Variants in RASA3 observed in about 807,000 individuals in gnomAD.
RASA3 encodes the protein ras GTPase-activating protein 3.
Under a neutral mutation model 110.0 loss-of-function variants are expected in RASA3, and 73 were observed. That is an observed-to-expected ratio of 0.66 (90% CI 0.55 to 0.81). RASA3 has a LOEUF of 0.81. Among genes scored for constraint, RASA3 ranks in the 30% least tolerant of loss-of-function variants. RASA3 has a pLI of 0.00. For missense variants in RASA3, 976 were observed against 1,113.2 expected (o/e 0.88, Z 1.75); for synonymous variants, 500 against 451.4 (o/e 1.11, Z -1.37).
intron 1 of RASA3, among the ~76,000 whole-genome samples, chr13:114,079,945 C>A (rs915760936): frequency 6.6e-6 from 1 of 152,194 alleles, no homozygotes; most frequent in African/African-American, 2.4e-5. Context: ...GGGGACACAG[C>A]GTCTTGAGGA....
intron 1 of RASA3, among the ~76,000 whole-genome samples, chr13:114,116,796 TGA>T (rs1485308637): frequency 7.3e-6 from 1 of 137,156 alleles, no homozygotes; most frequent in Admixed American, 7.2e-5. Flanking sequence ...TGCACGTGTG[TGA>T]GGGGTGCATG....
intron 3 of RASA3, among the ~76,000 whole-genome samples, chr13:114,045,120 C>A (rs2079032019): frequency 6.6e-6 from 1 of 152,230 alleles, no homozygotes; most frequent in African/African-American, 2.4e-5. Context: ...CCACATTCAA[C>A]AATGGGGACC....
intron 4 of RASA3, chr13:114,036,153 C>G (rs1232222437): frequency 6.6e-6 from 1 of 152,282 alleles, no homozygotes; most frequent in Non-Finnish European, 1.5e-5. Flanking sequence ...AGGCGGTGCC[C>G]TCGCTGGCAT....
chr13:114,131,362 C>G (rs974269800), intron 1 of RASA3, among the ~76,000 whole-genome samples: 3 of 152,158 alleles, frequency 2.0e-5, no homozygotes, highest in Admixed American at 1.3e-4. Flanking sequence ...CAGCCTGAAC[C>G]GCGCTGTGGT....
chr13:114,062,266 C>A (rs1374812886), intron 2 of RASA3, among the ~76,000 whole-genome samples: 1 of 151,764 alleles, frequency 6.6e-6, no homozygotes, highest in African/African-American at 2.4e-5. Context: ...TGCTTCCTTT[C>A]ATTTCAATTA....
chr13:114,043,611 C>T (rs1183028308), intron 3 of RASA3, among the ~76,000 whole-genome samples: 1 of 152,052 alleles, frequency 6.6e-6, no homozygotes, highest in Non-Finnish European at 1.5e-5. Context: ...TGGAGCTGCA[C>T]GGGACGCTGA....
chr13:114,123,042 T>C (rs568244029), intron 1 of RASA3, among the ~76,000 whole-genome samples: 175 of 152,358 alleles, frequency 1.1e-3, no homozygotes, highest in African/African-American at 4.1e-3. Context: ...CCCTACACCC[T>C]GGACACACCT....
intron 19 of RASA3, among the ~76,000 whole-genome samples, chr13:114,000,563 C>T (rs937098935): frequency 6.6e-6 from 1 of 152,210 alleles, no homozygotes; most frequent in Non-Finnish European, 1.5e-5. Flanking sequence ...CAGAAAAGCA[C>T]CTTACTGATG....
chr13:114,125,581 C>T (rs1439777861), intron 1 of RASA3, among the ~76,000 whole-genome samples: 3 of 152,172 alleles, frequency 2.0e-5, no homozygotes, highest in South Asian at 4.1e-4. Flanking sequence ...CCACTTCCAA[C>T]GACGGGGTGA....
Position 114,056,297 on chromosome 13 carries a change from G to A in RASA3, c.174-4142C>T, listed in dbSNP as rs1292832627. Among the ~76,000 whole-genome samples the A allele has an allele frequency of 2.0e-5, 3 of 152,176 alleles. No homozygotes were observed. Among genetic ancestry groups the A allele is most frequent in the African/African-American group, 7.2e-5 (3 of 41,434 alleles). On this transcript the variant is annotated intron_variant, in intron 2 of 23. Coordinates refer to ENST00000334062, the MANE Select transcript of RASA3 (RefSeq NM_007368.4). The surrounding 1 kb of genome is among the most constrained non-coding windows in gnomAD (Gnocchi z 5.7). ...TCTGATGCATATTTGGTGCGTGTCC[G>A]GTGCGTGGTGAGGGGCGGTGAGATG... is the stretch of plus-strand genomic sequence containing the variant.
chr13:113,998,827 G>C lies in RASA3; in HGVS notation c.1932+758C>G, dbSNP rs34953844. 2.5e-3 allele frequency among the ~76,000 whole-genome samples: 381 copies of C among 152,374 alleles called. 1 individual carries two copies. Among genetic ancestry groups the C allele is most frequent in the Non-Finnish European group, 4.4e-3 (296 of 68,040 alleles). On this transcript the variant is annotated intron_variant, in intron 20 of 23. Coordinates refer to ENST00000334062, the MANE Select transcript of RASA3 (RefSeq NM_007368.4). ...GGAGTGTCCAGTGGGCCAGACGGAG[G>C]GGGCAGCAGAATGCAGCGCAGACTG...
At chr13:114,001,662 G>A (rs1236183456) in intron 18 of RASA3, among the ~76,000 whole-genome samples, 2 of 149,964 alleles carry the variant, frequency 1.3e-5, no homozygotes, top group East Asian at 2.0e-4. Flanking sequence ...ACCTGCGGCC[G>A]TGGGCTCGGG....
At chr13:114,013,383 C>CTCTCCCTCTG (rs1555328554) in intron 14 of RASA3, 135 bp from the exon 15 acceptor site, 57 of 554,416 alleles carry the variant, frequency 1.0e-4, no homozygotes, top group Middle Eastern at 8.9e-4. Flanking sequence ...GTGTCTGTCT[C>CTCTCCCTCTG]TCTCCCTCTC....
At chr13:114,027,701 G>C (rs901507448) in intron 6 of RASA3, 146 bp downstream of exon 6, 1 of 939,014 alleles carries the variant, frequency 1.1e-6, no homozygotes, top group African/African-American at 1.7e-5. Flanking sequence ...GAGCAATAAA[G>C]AAAACAAAAG....
intron 9 of RASA3, among the ~76,000 whole-genome samples, chr13:114,019,745 GCCC>G (rs1305615250): frequency 7.2e-6 from 1 of 139,020 alleles, no homozygotes; most frequent in South Asian, 2.4e-4. Context: ...AGACATTGGC[GCCC>G]CCGTCAGGTG....
chr13:113,978,431 G>A lies in RASA3; in HGVS notation c.*916C>T, dbSNP rs1169675786. On this transcript the variant is annotated 3_prime_UTR_variant, in exon 24 of 24. Transcript: ENST00000334062. ...CCCTTTAGTGGGTATAGGTTTTGAC[G>A]TTCTGAGTTACTTTGTATCAAAGAG... 4.6e-5 allele frequency: 7 copies of A among 152,122 alleles called. No homozygotes were observed. The highest frequency in any genetic ancestry group is 1.4e-4 in the African/African-American group (6 of 41,410). 9.4% of individuals were successfully genotyped at this position (152,122 alleles called of 1,614,324 possible). A position where few individuals can be genotyped will look rare whatever the true frequency, so the allele number is the denominator to read the frequency against.
rs895347905 is a variant in RASA3 at position 114,029,731 on chromosome 13, T to C, written c.449+80A>G. On this transcript the variant is annotated intron_variant, in intron 5 of 23. Coordinates refer to ENST00000334062, the MANE Select transcript of RASA3 (RefSeq NM_007368.4). ...GGCTCTGGAAATTCTTGTGCGTTGGTGTGAAAACCCCTGTGTGCTCCTCGG... is the reference window on the plus strand; with the variant it reads ...GGCTCTGGAAATTCTTGTGCGTTGGCGTGAAAACCCCTGTGTGCTCCTCGG... 3.0e-5 allele frequency: 39 copies of C among 1,320,010 alleles called. 1 individual carries two copies. In the South Asian group the frequency reaches 3.8e-4, roughly 13 times the overall value. The allele number at this position is 1,320,010 out of a possible 1,614,324, so 81.8% of individuals were successfully genotyped here. A position where few individuals can be genotyped will look rare whatever the true frequency, so the allele number is the denominator to read the frequency against.
intron 4 of RASA3, among the ~76,000 whole-genome samples, chr13:114,039,112 G>A (rs1209652375): frequency 6.6e-6 from 1 of 152,236 alleles, no homozygotes; most frequent in Non-Finnish European, 1.5e-5. Flanking sequence ...AGCTGGCTCC[G>A]AGCCTGGCGG....
chr13:114,119,517 GCCC>G (rs1177724985), intron 1 of RASA3, among the ~76,000 whole-genome samples: 1 of 105,122 alleles, frequency 9.5e-6, no homozygotes, highest in African/African-American at 3.4e-5. Context: ...GTCGATCAGT[GCCC>G]CCCTCCCCTC....
Sources: gnomAD v4.1 joint callset for allele counts (sites outside exome capture counted in the v4.1 genomes callset) on GRCh38, gnomAD v4.1.1 for gene constraint, Gnocchi (gnomAD v3.1) non-coding constraint, MANE v1.5 for transcripts, NCBI Gene and HGNC (gene_info 2026-07-23, HGNC 2026-07-21) for gene names.